LDAF1: variants seen among roughly 807,000 people sequenced by gnomAD.
LDAF1 encodes the protein lipid droplet assembly factor 1.
LDAF1 carries 7 observed loss-of-function variants against 13.5 expected under a neutral mutation model. The ratio of observed to expected loss-of-function variants is 0.52; its 90% CI spans 0.29 to 0.97. LDAF1 has a LOEUF of 0.97. Among genes scored for constraint, LDAF1 ranks in the 50% least tolerant of loss-of-function variants. The pLI is 0.07. For synonymous variants in LDAF1, 69 were observed against 77.1 expected, an observed-to-expected ratio of 0.89 and a Z score of 0.55; for missense variants, 148 against 193.2, an observed-to-expected ratio of 0.77 and a Z score of 1.39.
intron 3 of LDAF1, 116 bp downstream of exon 3, chr16:21,170,721 G>A (rs913048989): frequency 2.4e-6 from 3 of 1,245,154 alleles, no homozygotes; most frequent in South Asian, 2.8e-5. Flanking sequence ...GCCCAGGCTG[G>A]TCTCAAACTC....
intron 3 of LDAF1, chr16:21,172,839 T>C: frequency 1.0e-6 from 1 of 985,434 alleles, no homozygotes; most frequent in Non-Finnish European, 1.2e-6. Context: ...CACCTGTTGA[T>C]GTTCTCTTCC....
chr16:21,163,606 C>T (rs1025885946), intron 2 of LDAF1, among the ~76,000 whole-genome samples: 5 of 152,200 alleles, frequency 3.3e-5, no homozygotes, highest in African/African-American at 7.2e-5. Flanking sequence ...GATCACACCA[C>T]TGTACTCCAG....
rs183755721 is a variant in LDAF1 at position 21,172,834 on chromosome 16, G to C, written c.266-1176G>C. 7.1e-5 allele frequency: 70 copies of C among 985,416 alleles called. No homozygotes were observed. In the African/African-American group the frequency reaches 1.2e-3, roughly 16 times the overall value. The allele number at this position is 985,416 out of a possible 1,614,324, so 61.0% of individuals were successfully genotyped here. A position where few individuals can be genotyped will look rare whatever the true frequency, so the allele number is the denominator to read the frequency against. On this transcript the variant is annotated intron_variant, in intron 3 of 4. Coordinates refer to ENST00000233047, the MANE Select transcript of LDAF1 (RefSeq NM_001301771.2). ...ATCTTTATGAACAGGCAGCACACCTGTTGATGTTCTCTTCCTTCCAGCCTT... is the reference window on the plus strand; with the variant it reads ...ATCTTTATGAACAGGCAGCACACCTCTTGATGTTCTCTTCCTTCCAGCCTT...
rs1243134495 is a variant in LDAF1, at chr16:21,172,778, C to G, written c.266-1232C>G. On this transcript the variant is annotated intron_variant, in intron 3 of 4. Transcript: ENST00000233047. ...TCTGATGCAGGTGGTTGGCACCACA[C>G]TTTGAAAAACGCTGATCTAAAATTT... 3 of 976,896 alleles carry G rather than the reference C, an allele frequency of 3.1e-6. No individual in the cohort carries two copies. In the African/African-American group the frequency reaches 5.3e-5, roughly 17 times the overall value. 60.5% of individuals were successfully genotyped at this position (976,896 alleles called of 1,614,324 possible).
intron 3 of LDAF1, among the ~76,000 whole-genome samples, chr16:21,171,390 A>G (rs2093087240): frequency 1.3e-5 from 2 of 152,162 alleles, no homozygotes; most frequent in African/African-American, 4.8e-5. Flanking sequence ...AGGGCTGTTT[A>G]TTTGCCCCAG....
chr16:21,176,996 A>G (rs1250488378), intron 4 of LDAF1: 1 of 152,088 alleles, frequency 6.6e-6, no homozygotes, highest in Non-Finnish European at 1.5e-5. Flanking sequence ...ATGAGAAATC[A>G]TAGCATAAAT....
chr16:21,164,891 C>T (rs2093009179), intron 2 of LDAF1, among the ~76,000 whole-genome samples: 1 of 152,136 alleles, frequency 6.6e-6, no homozygotes, highest in Non-Finnish European at 1.5e-5. Flanking sequence ...AGTGTTAGGT[C>T]GTTCTTTTTT....
At chr16:21,159,289 T>C (rs2152839940) in intron 1 of LDAF1, 5 of 1,563,284 alleles carry the variant, frequency 3.2e-6, no homozygotes, top group Non-Finnish European at 4.4e-6. Flanking sequence ...CATTATTCAG[T>C]CTCTGTGCCT....
chr16:21,167,004 G>A, intron 2 of LDAF1: 2 of 1,209,318 alleles, frequency 1.7e-6, no homozygotes, highest in Non-Finnish European at 2.3e-6. Flanking sequence ...AGGAGGCAGT[G>A]AGGTCAGCGG....
rs142481621 is a variant in LDAF1 at position 21,159,796 on chromosome 16, G to A, written c.-99+1050G>A. On this transcript the variant is annotated intron_variant, in intron 1 of 4. Transcript: ENST00000233047. ...CTCATCGGACTCCCCAAACCGGTCT[G>A]GGTGGCACTTGAGGCTCCCAGGCCA... The A allele has an allele frequency of 9.1e-3, 4,221 of 465,316 alleles. 24 individuals carry two copies. Among genetic ancestry groups the A allele is most frequent in the Non-Finnish European group, 0.011 (3,809 of 354,484 alleles). 28.8% of individuals were successfully genotyped at this position (465,316 alleles called of 1,614,324 possible). A position where few individuals can be genotyped will look rare whatever the true frequency, so the allele number is the denominator to read the frequency against.
chr16:21,165,575 C>A (rs1331782519), intron 2 of LDAF1: 1 of 984,010 alleles, frequency 1.0e-6, no homozygotes, highest in Admixed American at 6.2e-5. Flanking sequence ...CTTCTCTTCC[C>A]TCTCTGCCAT....
chr16:21,179,624 CT>C lies in LDAF1; in HGVS notation c.*70del. 7.0e-7 allele frequency: 1 copy of C among 1,436,528 alleles called. No individual in the cohort carries two copies. Among genetic ancestry groups the C allele is most frequent in the Non-Finnish European group, 9.6e-7 (1 of 1,037,590 alleles). The allele number at this position is 1,436,528 out of a possible 1,614,324, so 89.0% of individuals were successfully genotyped here. A position where few individuals can be genotyped will look rare whatever the true frequency, so the allele number is the denominator to read the frequency against. On this transcript the variant is annotated 3_prime_UTR_variant, in exon 5 of 5. Transcript: ENST00000233047. ...TCATACTCACCCCTTGGGATTATGGCTTAGAAGAAGGGGGCTGGGTAGGCAA... is the reference window on the plus strand; with the variant it reads ...TCATACTCACCCCTTGGGATTATGGCTAGAAGAAGGGGGCTGGGTAGGCAA...
chr16:21,180,291 G>A lies in LDAF1; in HGVS notation c.*735G>A, dbSNP rs1050526530. 16 of 133,180 alleles carry A rather than the reference G, an allele frequency of 1.2e-4. No homozygotes were observed. Among genetic ancestry groups the A allele is most frequent in the African/African-American group, 4.2e-4 (15 of 35,504 alleles). 8.2% of individuals were successfully genotyped at this position (133,180 alleles called of 1,614,324 possible). A position where few individuals can be genotyped will look rare whatever the true frequency, so the allele number is the denominator to read the frequency against. On this transcript the variant is annotated 3_prime_UTR_variant, in exon 5 of 5. Transcript: ENST00000233047. ...CTTGTTGCCCAGGCTGGAGTGCAAT[G>A]GTGCAGTCTCGGCTCACTGCAACCT...
rs1263947617 is a variant in LDAF1, at chr16:21,180,315, C to T, written c.*759C>T. ...TGGTGCAGTCTCGGCTCACTGCAAC[C>T]TCCAACTCCCAGGTTCAAGTGAGTC... is the stretch of plus-strand genomic sequence containing the variant. On this transcript the variant is annotated 3_prime_UTR_variant, in exon 5 of 5. Coordinates refer to ENST00000233047, the MANE Select transcript of LDAF1 (RefSeq NM_001301771.2). 2.0e-5 allele frequency: 3 copies of T among 147,624 alleles called. No individual in the cohort carries two copies. Among genetic ancestry groups the T allele is most frequent in the Non-Finnish European group, 3.0e-5 (2 of 67,356 alleles). The allele number at this position is 147,624 out of a possible 1,614,324, so 9.1% of individuals were successfully genotyped here. A position where few individuals can be genotyped will look rare whatever the true frequency, so the allele number is the denominator to read the frequency against.
At chr16:21,161,756 GT>G (rs1167768918) in intron 2 of LDAF1, among the ~76,000 whole-genome samples, 1 of 152,160 alleles carries the variant, frequency 6.6e-6, no homozygotes, top group African/African-American at 2.4e-5. Context: ...CAAGATTTGA[GT>G]TCATTGTTCC....
chr16:21,160,720 A>G (rs527839573), intron 1 of LDAF1, among the ~76,000 whole-genome samples: 1 of 152,340 alleles, frequency 6.6e-6, no homozygotes, highest in African/African-American at 2.4e-5. Flanking sequence ...TATCATACAC[A>G]TCTTTTCACA....
Position 21,164,407 on chromosome 16 carries a change from G to C in LDAF1, c.96+3129G>C, listed in dbSNP as rs575059038. On this transcript the variant is annotated intron_variant, in intron 2 of 4. Coordinates refer to ENST00000233047, the MANE Select transcript of LDAF1 (RefSeq NM_001301771.2). ...CTACAGGTGCACACCAGCATACTCA[G>C]CTAATGTTTTATTTTATTTTTTGGA... Among the ~76,000 whole-genome samples, 4 of 152,178 alleles carry C rather than the reference G, an allele frequency of 2.6e-5. No individual in the cohort carries two copies. In the South Asian group the frequency reaches 6.2e-4, roughly 24 times the overall value.
intron 1 of LDAF1, among the ~76,000 whole-genome samples, chr16:21,158,987 C>A (rs185669864): frequency 4.6e-5 from 7 of 151,762 alleles, no homozygotes; most frequent in African/African-American, 1.5e-4. Flanking sequence ...TGCACACTCA[C>A]CCCGCCACCC....
chr16:21,178,384 T>G, intron 4 of LDAF1: 1 of 985,426 alleles, frequency 1.0e-6, no homozygotes, highest in Non-Finnish European at 1.2e-6. Flanking sequence ...AAAGGCTTCT[T>G]TCTTAGTTTT....
Sources: gnomAD v4.1 joint callset for allele counts (sites outside exome capture counted in the v4.1 genomes callset) on GRCh38, gnomAD v4.1.1 for gene constraint, MANE v1.5 for transcripts, NCBI Gene and HGNC (gene_info 2026-07-23, HGNC 2026-07-21) for gene names.